Variants in RANBP2 observed in about 807,000 individuals in gnomAD.
RANBP2 encodes the protein E3 SUMO-protein ligase RanBP2.
In RANBP2, 57 loss-of-function variants were observed where a neutral mutation model predicts 303.6. The ratio of observed to expected loss-of-function variants is 0.19; its 90% CI spans 0.15 to 0.23. The LOEUF (loss-of-function observed/expected upper bound fraction) is 0.23. RANBP2 is among the 10% of genes least tolerant of loss of function. RANBP2 has a pLI of 1.00. For synonymous variants in RANBP2, 1,167 were observed against 1,301.5 expected, an observed-to-expected ratio of 0.90 and a Z score of 2.23; for missense variants, 3,138 against 3,780.8, an observed-to-expected ratio of 0.83 and a Z score of 4.46.
chr2:109,526,424 C>T, the RANBP2 span, among the ~76,000 whole-genome samples: 5 of 152,180 alleles, frequency 3.3e-5, no homozygotes, highest in African/African-American at 1.2e-4. Context: ...TCTCGTGCCT[C>T]AGCCTTCCAA....
At chr2:109,706,431 C>G in the RANBP2 span, among the ~76,000 whole-genome samples, 1 of 152,164 alleles carries the variant, frequency 6.6e-6, no homozygotes, top group South Asian at 2.1e-4. Context: ...GCCCAAGATG[C>G]CCTTTGCTCA....
At chr2:108,877,380 C>T in the RANBP2 span, among the ~76,000 whole-genome samples, 1 of 151,992 alleles carries the variant, frequency 6.6e-6, no homozygotes, top group African/African-American at 2.4e-5. Context: ...GCAGGAGAAC[C>T]ACTTCAACCT....
At chr2:108,880,388 A>C in the RANBP2 span, among the ~76,000 whole-genome samples, 1 of 152,164 alleles carries the variant, frequency 6.6e-6, no homozygotes, top group African/African-American at 2.4e-5. Context: ...CAAAATCCTA[A>C]CAAGTTATTT....
chr2:109,360,678 A>G, the RANBP2 span, among the ~76,000 whole-genome samples: 4 of 152,338 alleles, frequency 2.6e-5, no homozygotes, highest in Non-Finnish European at 4.4e-5. Flanking sequence ...GTATCCTGCA[A>G]CCTTGCTATA....
chr2:108,881,901 T>C, the RANBP2 span, among the ~76,000 whole-genome samples: 5 of 152,136 alleles, frequency 3.3e-5, no homozygotes, highest in African/African-American at 4.8e-5. Context: ...CCCAGCACTT[T>C]GGGAAGCTGA....
chr2:109,571,302 T>C, the RANBP2 span, among the ~76,000 whole-genome samples: 1 of 152,168 alleles, frequency 6.6e-6, no homozygotes, highest in Non-Finnish European at 1.5e-5. Flanking sequence ...AACATGGTGA[T>C]AGAAATGCGA....
At position 108,763,310 on chromosome 2, in the gene RANBP2, C is replaced by T. The variant is rs753536609; in HGVS notation, c.2771C>T (p.Pro924Leu). 32 of 1,613,826 alleles carry T rather than the reference C, an allele frequency of 2.0e-5. No individual in the cohort carries two copies. Among genetic ancestry groups the T allele is most frequent in the Non-Finnish European group, 2.5e-5 (29 of 1,179,970 alleles). The change falls in exon 20 of 29, where the codon CCG becomes CTG. Residue 924 changes from proline (P) to leucine (L), a missense_variant. By Grantham distance (98) the Pro-to-Leu change is moderately conservative (BLOSUM62 -3). Transcript: ENST00000283195. ...IYAYPQQMHT[P>L]PVQSSSACMF... ...GCCTATCCGCAACAGATGCACACACCGCCAGTGCAAAGCTCATCTGCTTGT... is the reference window on the plus strand; with the variant it reads ...GCCTATCCGCAACAGATGCACACACTGCCAGTGCAAAGCTCATCTGCTTGT...
At chr2:108,837,719 G>A in the RANBP2 span, among the ~76,000 whole-genome samples, 1 of 152,064 alleles carries the variant, frequency 6.6e-6, no homozygotes, top group Non-Finnish European at 1.5e-5. Flanking sequence ...CATGTTACTG[G>A]TTTATGTATT....
At chr2:109,348,659 G>T in the RANBP2 span, among the ~76,000 whole-genome samples, 1 of 152,136 alleles carries the variant, frequency 6.6e-6, no homozygotes, top group African/African-American at 2.4e-5. Flanking sequence ...GAAGTAGTTG[G>T]AACCTCGTTT....
chr2:108,763,515 A>T lies in RANBP2; in HGVS notation c.2976A>T (p.Arg992Ser), dbSNP rs1384558046. The T allele has an allele frequency of 1.2e-6, 2 of 1,614,166 alleles. No individual in the cohort carries two copies. Among genetic ancestry groups the T allele is most frequent in the South Asian group, 1.1e-5 (1 of 91,092 alleles). The change falls in exon 20 of 29, where the codon AGA becomes AGT. Residue 992 changes from arginine (R) to serine (S), a missense_variant. Arg to Ser is a moderately radical substitution (Grantham distance 110). This residue lies in a region of RANBP2 where 403 missense variants were observed against 376.7 expected (regional missense o/e 1.07). Transcript: ENST00000283195. The stretch of plus-strand genomic sequence containing the variant: ...CTCCGATTGCAGCTCATGCTTCAAG[A>T]TCTGCAGAATCTAAGACTATAGAAT... ...TKPPIAAHAS[R>S]SAESKTIEFG...
At chr2:109,429,705 C>T in the RANBP2 span, among the ~76,000 whole-genome samples, 94 of 152,306 alleles carry the variant, frequency 6.2e-4, no homozygotes, top group African/African-American at 2.2e-3. Flanking sequence ...CCTGAACATG[C>T]GTGACCATGG....
At chr2:109,350,621 T>C in the RANBP2 span, among the ~76,000 whole-genome samples, 4 of 152,322 alleles carry the variant, frequency 2.6e-5, no homozygotes, top group South Asian at 6.2e-4. Flanking sequence ...CCAAGAGACA[T>C]GGGCAACTCC....
the RANBP2 span, among the ~76,000 whole-genome samples, chr2:108,978,837 C>T: frequency 1.6e-4 from 24 of 152,272 alleles, no homozygotes; most frequent in Admixed American, 6.5e-5. Flanking sequence ...GTTAGCACAG[C>T]TGCAAATCTG....
At chr2:109,632,013 G>A in the RANBP2 span, among the ~76,000 whole-genome samples, 4 of 152,028 alleles carry the variant, frequency 2.6e-5, no homozygotes, top group African/African-American at 9.7e-5. Context: ...AGAGAGGAGG[G>A]GGGTCTGGAG....
At chr2:109,142,401 TA>T in the RANBP2 span, among the ~76,000 whole-genome samples, 1 of 152,244 alleles carries the variant, frequency 6.6e-6, no homozygotes, top group African/African-American at 2.4e-5. Flanking sequence ...CCTGTGGGGT[TA>T]GCTCCACAAA....
chr2:109,209,219 A>G, the RANBP2 span, among the ~76,000 whole-genome samples: 10 of 152,164 alleles, frequency 6.6e-5, no homozygotes, highest in Non-Finnish European at 1.2e-4. Flanking sequence ...CCGTGGCATC[A>G]ACACCTGTTT....
At chr2:109,021,692 G>A in the RANBP2 span, among the ~76,000 whole-genome samples, 1 of 151,544 alleles carries the variant, frequency 6.6e-6, no homozygotes, top group Admixed American at 6.6e-5. Context: ...AAAGGACACT[G>A]GCCTCGCAGG....
the RANBP2 span, among the ~76,000 whole-genome samples, chr2:109,549,852 T>C: frequency 6.6e-6 from 1 of 152,222 alleles, no homozygotes; most frequent in Non-Finnish European, 1.5e-5. Flanking sequence ...TGTGTGAATG[T>C]GGTCTCTTTC....
the RANBP2 span, among the ~76,000 whole-genome samples, chr2:109,191,635 C>A: frequency 1.3e-5 from 2 of 152,148 alleles, no homozygotes; most frequent in African/African-American, 4.8e-5. Context: ...GCAGCAAGAG[C>A]AGTCCCAATA....
Sources: gnomAD v4.1 joint callset for allele counts (sites outside exome capture counted in the v4.1 genomes callset) on GRCh38, gnomAD v4.1.1 for gene constraint, gnomAD v4.1.1 regional missense constraint, MANE v1.5 for transcripts, NCBI Gene and HGNC (gene_info 2026-07-23, HGNC 2026-07-21) for gene names.